The following MPRIP variants were observed in gnomAD, a reference collection of about 807,000 sequenced individuals.
The protein encoded by MPRIP is myosin phosphatase Rho-interacting protein.
A neutral mutation model predicts 234.9 loss-of-function variants in MPRIP; 59 were observed. That is an observed-to-expected ratio of 0.25 (90% CI 0.20 to 0.31). The LOEUF (loss-of-function observed/expected upper bound fraction) is 0.31, where lower values mean the gene tolerates loss of function less well. Ranked by LOEUF, MPRIP falls within the 10% of genes least tolerant of loss-of-function variation. The pLI is 1.00. For synonymous variants in MPRIP, 1,144 were observed against 1,263.9 expected, an observed-to-expected ratio of 0.91 and a Z score of 2.01; for missense variants, 2,436 against 3,071.0, an observed-to-expected ratio of 0.79 and a Z score of 4.89.
At chr17:17,080,996 G>A (rs776553366) in intron 3 of MPRIP, among the ~76,000 whole-genome samples, 2 of 152,168 alleles carry the variant, frequency 1.3e-5, no homozygotes, top group East Asian at 1.9e-4. Flanking sequence ...CACTCCCTAC[G>A]TGGTGCCCTC....
chr17:17,115,403 G>A (rs1184973494), intron 3 of MPRIP, among the ~76,000 whole-genome samples: 1 of 152,236 alleles, frequency 6.6e-6, no homozygotes, highest in African/African-American at 2.4e-5. Context: ...TTAGGGAGAG[G>A]TGGGGTGTAG....
At chr17:17,108,719 C>T (rs904201040) in intron 3 of MPRIP, among the ~76,000 whole-genome samples, 4 of 152,136 alleles carry the variant, frequency 2.6e-5, no homozygotes, top group African/African-American at 7.2e-5. Context: ...GGGGTGGGGC[C>T]GGGTGAATGT....
At position 17,138,092 on chromosome 17, in the gene MPRIP, T is replaced by C; in HGVS notation, c.913T>C (p.Ser305Pro). The change falls in exon 7 of 24, where the codon TCG becomes CCG. Residue 305 changes from serine (S) to proline (P), a missense_variant. This residue lies in a region of MPRIP where 267 missense variants were observed against 252.7 expected (regional missense o/e 1.06). Coordinates refer to ENST00000651222, the MANE Select transcript of MPRIP (RefSeq NM_001364716.4). This position sits in a 1 kb window ranked among gnomAD's most constrained non-coding sequence, Gnocchi z 5.8. ...TPNHRYSCPE[S>P]PSQELGGPLP... ...CAACCACAGGTACAGTTGCCCCGAG[T>C]CGCCCTCCCAGGAGCTCGGTGGTCC... 1 of 1,547,826 alleles carries C rather than the reference T, an allele frequency of 6.5e-7. No individual in the cohort carries two copies. The highest frequency in any genetic ancestry group is 8.7e-7 in the Non-Finnish European group (1 of 1,146,516).
chr17:17,044,270 A>T, intron 1 of MPRIP, among the ~76,000 whole-genome samples: 1 of 152,206 alleles, frequency 6.6e-6, no homozygotes, highest in East Asian at 1.9e-4. Flanking sequence ...TTTACCTCGG[A>T]GGGTGTTTTG....
chr17:17,081,076 G>A (rs1013463234), intron 3 of MPRIP, among the ~76,000 whole-genome samples: 33 of 152,340 alleles, frequency 2.2e-4, no homozygotes, highest in Non-Finnish European at 4.0e-4. Context: ...TAAGCAGCCC[G>A]TGGCTACCTC....
intron 3 of MPRIP, among the ~76,000 whole-genome samples, chr17:17,080,224 G>A (rs1347768348): frequency 2.0e-5 from 3 of 152,238 alleles, no homozygotes; most frequent in Non-Finnish European, 4.4e-5. Context: ...AGGTTGCAAG[G>A]AGGCACTTAG....
At chr17:17,086,847 G>C (rs1269900739) in intron 3 of MPRIP, among the ~76,000 whole-genome samples, 2 of 152,134 alleles carry the variant, frequency 1.3e-5, no homozygotes, top group Non-Finnish European at 2.9e-5. Flanking sequence ...TACCTCCGTG[G>C]GAGCTTCAAG....
chr17:17,140,589 A>T (rs1204095852), intron 7 of MPRIP, among the ~76,000 whole-genome samples: 2 of 152,176 alleles, frequency 1.3e-5, no homozygotes, highest in African/African-American at 4.8e-5. Context: ...CACCTACCTG[A>T]AATGGCAGCC....
chr17:17,129,126 G>A (rs2090548574), intron 4 of MPRIP, among the ~76,000 whole-genome samples: 1 of 152,174 alleles, frequency 6.6e-6, no homozygotes, highest in African/African-American at 2.4e-5. Flanking sequence ...AGAGGAAGTT[G>A]GCAGCTCTTT....
In MPRIP at chr17:17,175,144, C is replaced by T. The variant is rs963462797; in HGVS notation, c.6751-149C>T. The T allele has an allele frequency of 1.1e-5, 13 of 1,154,932 alleles. No individual in the cohort carries two copies. In the South Asian group the frequency reaches 1.8e-4, roughly 16 times the overall value. 71.5% of individuals were successfully genotyped at this position (1,154,932 alleles called of 1,614,324 possible). ...AACAGATTGACACTAGTTATTGTGA[C>T]AGAAAGGAATTAAGGGTTATCGATT... is the stretch of plus-strand genomic sequence containing the variant. On this transcript the variant is annotated intron_variant, in intron 19 of 23. Transcript: ENST00000651222.
intron 14 of MPRIP, 24 bp downstream of exon 14, chr17:17,159,026 C>T (rs1187644472): frequency 1.3e-6 from 2 of 1,587,074 alleles, no homozygotes; most frequent in Non-Finnish European, 1.7e-6. Context: ...ACCAGATCCC[C>T]ACCCTGCTCC....
intron 1 of MPRIP, among the ~76,000 whole-genome samples, chr17:17,046,158 C>T (rs995139836): frequency 4.6e-5 from 7 of 152,150 alleles, no homozygotes; most frequent in African/African-American, 9.7e-5. Context: ...ATTTGCTCTG[C>T]GACATATTTT....
At chr17:17,175,237 A>G in intron 19 of MPRIP, 56 bp from the exon 20 acceptor site, 3 of 1,611,044 alleles carry the variant, frequency 1.9e-6, no homozygotes, top group East Asian at 2.2e-5. Context: ...GGGTTGTGTC[A>G]TGCGACTTGG....
At chr17:17,156,741 A>G (rs971221988) in intron 13 of MPRIP, among the ~76,000 whole-genome samples, 1 of 151,798 alleles carries the variant, frequency 6.6e-6, no homozygotes, top group Non-Finnish European at 1.5e-5. Context: ...TCATCCTGAC[A>G]CTCTCCATGG....
chr17:17,089,491 T>G (rs1395497467), intron 3 of MPRIP, among the ~76,000 whole-genome samples: 1 of 152,132 alleles, frequency 6.6e-6, no homozygotes, highest in East Asian at 1.9e-4. Flanking sequence ...TTTTAGAGAT[T>G]GGGTTTTTTT....
At chr17:17,105,954 G>A (rs1263456955) in intron 3 of MPRIP, among the ~76,000 whole-genome samples, 1 of 152,222 alleles carries the variant, frequency 6.6e-6, no homozygotes, top group African/African-American at 2.4e-5. Context: ...ATTGTGGCAA[G>A]CCGTAAGACA....
chr17:17,167,496 G>A lies in MPRIP; in HGVS notation c.5905G>A (p.Glu1969Lys), dbSNP rs2046028954. 7.7e-7 allele frequency: 1 copy of A among 1,304,090 alleles called. No individual in the cohort carries two copies. The highest frequency in any genetic ancestry group is 2.3e-5 in the Admixed American group (1 of 43,558). 80.8% of individuals were successfully genotyped at this position (1,304,090 alleles called of 1,614,324 possible). The stretch of plus-strand genomic sequence containing the variant: ...CAGGACCGAGAGCACACTGCAGGCT[G>A]AGCGCAGCCGGGTCCTGAGCCAGCT... Reference protein sequence around the residue: ...LTRTESTLQAERSRVLSQLDA... With the variant: ...LTRTESTLQAKRSRVLSQLDA... The change falls in exon 16 of 24, where the codon GAG (glutamate) becomes AAG (lysine). Residue 1969 changes from glutamate to lysine, a missense_variant. Around this residue, in one of 4 missense-constraint regions of MPRIP, gnomAD observed 1,998 missense variants for 2,520.3 expected, o/e 0.79. Coordinates refer to ENST00000651222, the MANE Select transcript of MPRIP (RefSeq NM_001364716.4). This position sits in a 1 kb window ranked among gnomAD's most constrained non-coding sequence, Gnocchi z 5.9.
chr17:17,122,465 T>G (rs961542005), intron 3 of MPRIP, among the ~76,000 whole-genome samples: 1 of 152,224 alleles, frequency 6.6e-6, no homozygotes, highest in Admixed American at 6.5e-5. Flanking sequence ...GCCATTCTCC[T>G]GCCTCAGCCT....
chr17:17,042,659 T>A lies in MPRIP; in HGVS notation c.-190T>A, dbSNP rs2088206997. 2.1e-6 allele frequency: 1 copy of A among 466,580 alleles called. No individual in the cohort carries two copies. Among genetic ancestry groups the A allele is most frequent in the Admixed American group, 6.6e-5 (1 of 15,078 alleles). The allele number at this position is 466,580 out of a possible 1,614,324, so 28.9% of individuals were successfully genotyped here. A position where few individuals can be genotyped will look rare whatever the true frequency, so the allele number is the denominator to read the frequency against. On this transcript the variant is annotated 5_prime_UTR_variant, in exon 1 of 24. Coordinates refer to ENST00000651222, the MANE Select transcript of MPRIP (RefSeq NM_001364716.4). ...GGCGGGAGCTGGGCGTCGCGCGCGCTGTGAGGCCCGGGCGGCTCAGGAGCC... is the reference window on the plus strand; with the variant it reads ...GGCGGGAGCTGGGCGTCGCGCGCGCAGTGAGGCCCGGGCGGCTCAGGAGCC...
Sources: allele counts gnomAD v4.1 joint callset (sites outside exome capture counted in the v4.1 genomes callset), GRCh38; gene constraint gnomAD v4.1.1; regional missense constraint gnomAD v4.1.1; non-coding constraint Gnocchi (gnomAD v3.1); transcripts MANE v1.5; gene names NCBI Gene and HGNC (gene_info 2026-07-23, HGNC 2026-07-21).